Variants in WNK2 observed in about 807,000 individuals in gnomAD.
The protein encoded by WNK2 is serine/threonine-protein kinase WNK2.
In WNK2, 67 loss-of-function variants were observed where a neutral mutation model predicts 192.1. That is an observed-to-expected ratio of 0.35 (90% CI 0.29 to 0.43). WNK2 has a LOEUF of 0.43. Among genes scored for constraint, WNK2 ranks in the 20% least tolerant of loss-of-function variants. The probability of loss-of-function intolerance (pLI) is 1.00; values close to 1 mark genes in which losing one functional copy is unlikely to be tolerated. For missense variants in WNK2, 2,698 were observed against 3,089.7 expected (o/e 0.87, Z 3.01); for synonymous variants, 1,439 against 1,393.9 (o/e 1.03, Z -0.72).
At chr9:93,308,606 CGGGTGCTCCTGGGGTGGGGT>C in intron 28 of WNK2, 22 bp downstream of exon 28, 1 of 382,184 alleles carries the variant, frequency 2.6e-6, no homozygotes, top group Non-Finnish European at 4.1e-6. Context: ...GCGGGTGGGG[CGGGTGCTCCTGGGGTGGGGT>C]AGCCTTGCCT....
At chr9:93,240,751 C>G (rs1588123334) in intron 7 of WNK2, among the ~76,000 whole-genome samples, 1 of 152,230 alleles carries the variant, frequency 6.6e-6, no homozygotes, top group East Asian at 1.9e-4. Flanking sequence ...GCAGGTGGGA[C>G]AGATCTAGAT....
chr9:93,265,483 C>T (rs977616104), intron 16 of WNK2, among the ~76,000 whole-genome samples: 4 of 152,170 alleles, frequency 2.6e-5, no homozygotes, highest in African/African-American at 7.2e-5. Flanking sequence ...GGGTCAGAGG[C>T]GTGAGCTGCG....
intron 5 of WNK2, among the ~76,000 whole-genome samples, chr9:93,237,130 TGGAAG>T (rs1839948942): frequency 6.6e-6 from 1 of 152,196 alleles, no homozygotes. Context: ...AGGGGAGATT[TGGAAG>T]GGAATTGCAG....
chr9:93,260,198 AT>A (rs746525173), intron 12 of WNK2, among the ~76,000 whole-genome samples: 27 of 152,206 alleles, frequency 1.8e-4, no homozygotes, highest in Middle Eastern at 3.4e-3. Context: ...TCTGGAACAC[AT>A]GATATGTGCC....
intron 14 of WNK2, 111 bp downstream of exon 14, chr9:93,262,830 C>T: frequency 8.0e-7 from 1 of 1,253,464 alleles, no homozygotes. Context: ...ATAGTTTGCC[C>T]TGATGCCATT....
intron 2 of WNK2, among the ~76,000 whole-genome samples, chr9:93,187,235 A>G (rs1829505764): frequency 6.6e-6 from 1 of 152,034 alleles, no homozygotes; most frequent in African/African-American, 2.4e-5. Flanking sequence ...GTTAGTTCCC[A>G]TTCCCTTTAA....
chr9:93,311,350 G>A (rs191304500), intron 28 of WNK2, among the ~76,000 whole-genome samples: 1 of 152,292 alleles, frequency 6.6e-6, no homozygotes, highest in Non-Finnish European at 1.5e-5. Flanking sequence ...GTCAGTGGAC[G>A]CTTGGGTGGC....
At chr9:93,185,725 C>CACG in intron 2 of WNK2, 115 bp downstream of exon 2, 1 of 1,211,224 alleles carries the variant, frequency 8.3e-7, no homozygotes. Flanking sequence ...CGGCGGGGCT[C>CACG]CATGTGTGTC....
chr9:93,287,447 C>T (rs140003528), intron 19 of WNK2, among the ~76,000 whole-genome samples: 1 of 152,300 alleles, frequency 6.6e-6, no homozygotes, highest in Non-Finnish European at 1.5e-5. Context: ...CATCATGGTG[C>T]AGTTGTGCAA....
Position 93,288,800 on chromosome 9 carries a change from A to T in WNK2, c.4046A>T (p.Tyr1349Phe), listed in dbSNP as rs750482436. 6.2e-7 allele frequency: 1 copy of T among 1,611,234 alleles called. No individual in the cohort carries two copies. The highest frequency in any genetic ancestry group is 8.5e-7 in the Non-Finnish European group (1 of 1,179,180). ...CCATTTCTTCTAGATTCAGCGCCCT[A>T]TAAAGACCAGCTGTCCTCGAAGGAA... is the stretch of plus-strand genomic sequence containing the variant. ...PPEASQDSAP[Y>F]KDQLSSKEQP... is the part of the protein sequence containing the mutation. Residue 1349 changes from tyrosine (Y) to phenylalanine (F), a missense_variant, in exon 20 of 30, where the codon TAT becomes TTT. Coordinates refer to ENST00000427277, the MANE Select transcript of WNK2 (RefSeq NM_006648.4).
chr9:93,225,141 G>A (rs1213955456), intron 2 of WNK2, among the ~76,000 whole-genome samples: 1 of 152,188 alleles, frequency 6.6e-6, no homozygotes, highest in East Asian at 1.9e-4. Context: ...GCTCACACCT[G>A]TAATGCCAGC....
At chr9:93,241,958 C>G (rs574811603) in intron 7 of WNK2, among the ~76,000 whole-genome samples, 22 of 152,162 alleles carry the variant, frequency 1.4e-4, no homozygotes, top group Non-Finnish European at 2.6e-4. Flanking sequence ...GAGCTAAGGT[C>G]CTGCTGGGGT....
In WNK2 at chr9:93,218,368, G is replaced by T. The variant is rs1836157184; in HGVS notation, c.682-11328G>T. ...CTGCGGGAAGTGGCCATGGGGTGGGGCTGGCCCTTTCTAGAAACCAGATAC... is the reference window on the plus strand; with the variant it reads ...CTGCGGGAAGTGGCCATGGGGTGGGTCTGGCCCTTTCTAGAAACCAGATAC... On this transcript the variant is annotated intron_variant, in intron 2 of 29. Coordinates refer to ENST00000427277, the MANE Select transcript of WNK2 (RefSeq NM_006648.4). Among the ~76,000 whole-genome samples, 3 of 152,340 alleles carry T rather than the reference G, an allele frequency of 2.0e-5. No homozygotes were observed. The South Asian group carries it at 6.2e-4, about 32-fold the overall frequency.
intron 4 of WNK2, among the ~76,000 whole-genome samples, chr9:93,231,788 G>T (rs945430959): frequency 6.6e-6 from 1 of 152,228 alleles, no homozygotes; most frequent in Admixed American, 6.5e-5. Context: ...GCGAGATGCC[G>T]TCGCCCCTAG....
At chr9:93,273,219 A>T (rs1744411571) in intron 19 of WNK2, among the ~76,000 whole-genome samples, 2 of 152,230 alleles carry the variant, frequency 1.3e-5, no homozygotes, top group African/African-American at 4.8e-5. Flanking sequence ...GTGCAGTGGC[A>T]CGATCTTGGC....
chr9:93,317,273 G>A (rs1235014873), intron 28 of WNK2: 2 of 582,000 alleles, frequency 3.4e-6, no homozygotes, highest in African/African-American at 3.7e-5. Context: ...ATTTTGGCTG[G>A]TGGACACCCA....
intron 2 of WNK2, among the ~76,000 whole-genome samples, chr9:93,225,074 G>A (rs1351237939): frequency 6.6e-6 from 1 of 152,130 alleles, no homozygotes; most frequent in Non-Finnish European, 1.5e-5. Context: ...TCTGGGCAGG[G>A]CTCAGAGGGG....
At chr9:93,268,854 C>T in intron 19 of WNK2, 108 bp downstream of exon 19, 1 of 1,574,444 alleles carries the variant, frequency 6.4e-7, no homozygotes, top group Non-Finnish European at 8.6e-7. Context: ...ATGCAGGGGG[C>T]TCACCCTGCC....
chr9:93,234,085 C>G (rs1350470347), intron 4 of WNK2, among the ~76,000 whole-genome samples: 3 of 152,200 alleles, frequency 2.0e-5, no homozygotes, highest in Non-Finnish European at 4.4e-5. Context: ...GTGAGGCCAG[C>G]CAGCACGTCT....
Sources: allele counts gnomAD v4.1 joint callset (sites outside exome capture counted in the v4.1 genomes callset), GRCh38; gene constraint gnomAD v4.1.1; transcripts MANE v1.5; gene names NCBI Gene and HGNC (gene_info 2026-07-23, HGNC 2026-07-21).